The following ARK2N variants were observed in gnomAD, a reference collection of about 807,000 sequenced individuals.
ARK2N encodes arkadia (RNF111) N-terminal like PKA signaling regulator 2N, also known as protein ARK2N.
chr18:46,221,308 G>T, the ARK2N span, among the ~76,000 whole-genome samples: 1 of 151,880 alleles, frequency 6.6e-6, no homozygotes, highest in African/African-American at 2.4e-5. Context: ...CACTTTGGGA[G>T]GCTGAGGCAG....
chr18:46,252,036 T>G, the ARK2N span, among the ~76,000 whole-genome samples: 1 of 151,928 alleles, frequency 6.6e-6, no homozygotes, highest in Non-Finnish European at 1.5e-5. Flanking sequence ...CTACTAAAAC[T>G]ACAAAAATTA....
At chr18:46,208,429 G>T in the ARK2N span, among the ~76,000 whole-genome samples, 1 of 150,910 alleles carries the variant, frequency 6.6e-6, no homozygotes, top group Non-Finnish European at 1.5e-5. Context: ...ATCAGCTGGG[G>T]TGGTAGTTGG....
At chr18:46,179,891 C>T in the ARK2N span, among the ~76,000 whole-genome samples, 2 of 152,194 alleles carry the variant, frequency 1.3e-5, no homozygotes, top group Non-Finnish European at 1.5e-5. Flanking sequence ...TCCCAAAGTG[C>T]TGGGATTACA....
At chr18:46,204,930 T>A in the ARK2N span, among the ~76,000 whole-genome samples, 68 of 12,948 alleles carry the variant, frequency 5.3e-3, no homozygotes, top group African/African-American at 0.011. Context: ...TTCTTTTTTC[T>A]TTTTTTTTTT....
chr18:46,201,155 TA>T, the ARK2N span, among the ~76,000 whole-genome samples: 1 of 151,958 alleles, frequency 6.6e-6, no homozygotes, highest in Non-Finnish European at 1.5e-5. Flanking sequence ...ATTTTCAAAA[TA>T]TTTTTTTGTA....
chr18:46,182,619 T>A, the ARK2N span, among the ~76,000 whole-genome samples: 7 of 151,976 alleles, frequency 4.6e-5, no homozygotes, highest in Admixed American at 3.3e-4. Context: ...ACCTCTGTTT[T>A]AAATTATTCT....
the ARK2N span, chr18:46,216,854 C>T: frequency 2.5e-6 from 1 of 403,578 alleles, no homozygotes. This position sits in a 1 kb window ranked among gnomAD's most constrained non-coding sequence, Gnocchi z 4.3. Context: ...TGGAATTTCT[C>T]ATAAGTCTGT....
the ARK2N span, among the ~76,000 whole-genome samples, chr18:46,243,633 T>A: frequency 6.6e-6 from 1 of 152,298 alleles, no homozygotes; most frequent in African/African-American, 2.4e-5. Flanking sequence ...AAGACCTGAA[T>A]TTTCCATTTC....
At chr18:46,238,721 A>G in the ARK2N span, among the ~76,000 whole-genome samples, 2 of 152,236 alleles carry the variant, frequency 1.3e-5, no homozygotes, top group African/African-American at 4.8e-5. Context: ...AAATATTACT[A>G]CATAAACCTG....
chr18:46,184,916 C>T, the ARK2N span, among the ~76,000 whole-genome samples: 3 of 152,212 alleles, frequency 2.0e-5, no homozygotes, highest in East Asian at 1.9e-4. Context: ...TGCATATTTG[C>T]GTATACACAC....
chr18:46,201,540 G>A, the ARK2N span, among the ~76,000 whole-genome samples: 100 of 151,958 alleles, frequency 6.6e-4, no homozygotes, highest in African/African-American at 2.2e-3. Flanking sequence ...GCTTTTTCAG[G>A]GTTTCTTGAC....
chr18:46,217,832 G>A, the ARK2N span: 1 of 151,980 alleles, frequency 6.6e-6, no homozygotes, highest in Non-Finnish European at 1.5e-5. Context: ...TAAAACTACC[G>A]GGAGGGGGAT....
chr18:46,241,714 G>C, the ARK2N span, among the ~76,000 whole-genome samples: 2 of 152,010 alleles, frequency 1.3e-5, no homozygotes, highest in East Asian at 3.9e-4. Context: ...GACAAAACTA[G>C]ACTGTATCCC....
chr18:46,212,427 A>G, the ARK2N span, among the ~76,000 whole-genome samples: 3 of 152,154 alleles, frequency 2.0e-5, no homozygotes, highest in Non-Finnish European at 4.4e-5. Context: ...ATGTAAATAT[A>G]GTTTTGTTAT....
the ARK2N span, among the ~76,000 whole-genome samples, chr18:46,182,675 C>G: frequency 3.4e-5 from 5 of 145,456 alleles, no homozygotes; most frequent in African/African-American, 1.3e-4. Context: ...GAGTCATTAG[C>G]CACAGTGCTT....
the ARK2N span, among the ~76,000 whole-genome samples, chr18:46,209,660 G>T: frequency 3.3e-5 from 5 of 152,022 alleles, no homozygotes; most frequent in African/African-American, 7.2e-5. Flanking sequence ...CAGTGGCGTG[G>T]TCTTGGCTCA....
At chr18:46,236,831 T>G in the ARK2N span, among the ~76,000 whole-genome samples, 1 of 15,648 alleles carries the variant, frequency 6.4e-5, no homozygotes, top group Non-Finnish European at 2.4e-4. Flanking sequence ...GCAGCTTCTG[T>G]TTTTTTTTTG....
At chr18:46,210,190 T>C in the ARK2N span, among the ~76,000 whole-genome samples, 1 of 152,264 alleles carries the variant, frequency 6.6e-6, no homozygotes, top group South Asian at 2.1e-4. Context: ...TCAATACTAT[T>C]GAAAATAAAT....
the ARK2N span, chr18:46,264,730 T>A: frequency 4.9e-5 from 7 of 144,002 alleles, no homozygotes; most frequent in Admixed American, 7.1e-5. Context: ...CTTCTTCATC[T>A]TCTTCTTTTT....
Sources: allele counts gnomAD v4.1 joint callset (sites outside exome capture counted in the v4.1 genomes callset), GRCh38; gene constraint gnomAD v4.1.1; non-coding constraint Gnocchi (gnomAD v3.1); transcripts MANE v1.5; gene names NCBI Gene and HGNC (gene_info 2026-07-23, HGNC 2026-07-21).